Variants in ERC1 observed in about 807,000 individuals in gnomAD.
ERC1 encodes RAB6 interacting protein 2.
ERC1 carries 56 observed loss-of-function variants against 132.0 expected under a neutral mutation model. The observed-to-expected ratio is 0.42, with a 90% CI of 0.34 to 0.53. The LOEUF (loss-of-function observed/expected upper bound fraction) is 0.53. Ranked by LOEUF, ERC1 falls within the 20% of genes least tolerant of loss-of-function variation. ERC1 has a pLI of 0.03. For synonymous variants in ERC1, 478 were observed against 476.1 expected (o/e 1.00, Z -0.05); for missense variants, 1,202 against 1,349.9 (o/e 0.89, Z 1.72).
chr12:1,039,642 G>T (rs976779541), intron 2 of ERC1, among the ~76,000 whole-genome samples: 2 of 152,148 alleles, frequency 1.3e-5, no homozygotes, highest in African/African-American at 2.4e-5. Context: ...CAACGGAAAT[G>T]GATTAGAAAG....
chr12:1,235,271 A>T (rs1222151092), intron 12 of ERC1, among the ~76,000 whole-genome samples: 2 of 152,166 alleles, frequency 1.3e-5, no homozygotes, highest in Non-Finnish European at 2.9e-5. Context: ...AGGTGGGAGA[A>T]TCACCTGAGC....
At chr12:1,002,421 A>G (rs1962571370) in intron 1 of ERC1, among the ~76,000 whole-genome samples, 1 of 150,568 alleles carries the variant, frequency 6.6e-6, no homozygotes, top group Non-Finnish European at 1.5e-5. Context: ...TCCTGAGCTC[A>G]AGTAATCTGC....
intron 15 of ERC1, among the ~76,000 whole-genome samples, chr12:1,360,547 A>G (rs1286057896): frequency 6.6e-6 from 1 of 152,236 alleles, no homozygotes; most frequent in Non-Finnish European, 1.5e-5. Flanking sequence ...TTCATTGTGC[A>G]CAAGACTTGG....
chr12:1,357,024 T>C, intron 15 of ERC1, among the ~76,000 whole-genome samples: 1 of 152,216 alleles, frequency 6.6e-6, no homozygotes. Context: ...TCTTCAGTAC[T>C]CTCTCAGCAT....
intron 18 of ERC1, among the ~76,000 whole-genome samples, chr12:1,448,696 C>T (rs2093361253): frequency 6.6e-6 from 1 of 152,256 alleles, no homozygotes; most frequent in African/African-American, 2.4e-5. Flanking sequence ...ACCAACACCA[C>T]CGCCATGAGG....
At chr12:1,254,791 G>C (rs75729071) in intron 13 of ERC1, among the ~76,000 whole-genome samples, 3,450 of 152,268 alleles carry the variant, frequency 0.023, 134 homozygotes, top group African/African-American at 0.079. Flanking sequence ...GGGATTACAA[G>C]CTTAATTTTT....
At chr12:1,196,981 T>A (rs1442900143) in intron 12 of ERC1, among the ~76,000 whole-genome samples, 73 of 63,348 alleles carry the variant, frequency 1.2e-3, no homozygotes, top group Middle Eastern at 9.4e-3. Flanking sequence ...TATATATTTT[T>A]TTTTTTTTTT....
chr12:1,203,608 G>A (rs947016700), intron 12 of ERC1, among the ~76,000 whole-genome samples: 1 of 152,312 alleles, frequency 6.6e-6, no homozygotes, highest in African/African-American at 2.4e-5. Context: ...TAGATATTTT[G>A]TTTCAGATTC....
In ERC1 at chr12:1,153,801, G is replaced by A. The variant is rs73041044; in HGVS notation, c.1737+12014G>A. 4.2e-3 allele frequency among the ~76,000 whole-genome samples: 640 copies of A among 152,254 alleles called. 4 individuals carry two copies. Among genetic ancestry groups the A allele is most frequent in the Non-Finnish European group, 6.9e-3 (471 of 68,012 alleles). On this transcript the variant is annotated intron_variant, in intron 8 of 18. Coordinates refer to ENST00000360905, the MANE Select transcript of ERC1 (RefSeq NM_178040.4). ...CCTTTCTTCACATGGTCGGATTTTG[G>A]CCTACATAATCACAGGCCCCAGCCC...
chr12:1,054,119 A>T (rs900527001), intron 2 of ERC1, among the ~76,000 whole-genome samples: 7 of 152,206 alleles, frequency 4.6e-5, no homozygotes, highest in Non-Finnish European at 8.8e-5. Context: ...ATATTTGTGG[A>T]TAAGAATTCC....
At chr12:1,059,180 A>G (rs1192230664) in intron 2 of ERC1, among the ~76,000 whole-genome samples, 1 of 152,012 alleles carries the variant, frequency 6.6e-6, no homozygotes, top group Non-Finnish European at 1.5e-5. Context: ...TTATATGTTG[A>G]TTTTTTATCC....
chr12:1,265,397 G>A (rs893575874), intron 14 of ERC1, among the ~76,000 whole-genome samples: 1 of 152,106 alleles, frequency 6.6e-6, no homozygotes, highest in African/African-American at 2.4e-5. Flanking sequence ...ATATGCTTTA[G>A]GGGTATGTTT....
intron 12 of ERC1, among the ~76,000 whole-genome samples, chr12:1,216,607 A>AGGAGGGATGGGGGGCGGGAG (rs1485383560): frequency 7.3e-5 from 2 of 27,400 alleles, no homozygotes; most frequent in African/African-American, 2.2e-4. Context: ...GGGGTCGGGG[A>AGGAGGGATGGGGGGCGGGAG]GGAGGGATGG....
At chr12:1,368,939 T>C (rs957728629) in intron 15 of ERC1, among the ~76,000 whole-genome samples, 2 of 152,130 alleles carry the variant, frequency 1.3e-5, no homozygotes, top group African/African-American at 4.8e-5. Flanking sequence ...GAGTATACGT[T>C]GTAAATGGAA....
chr12:1,248,887 TA>T (rs869074454), intron 13 of ERC1, among the ~76,000 whole-genome samples: 2 of 151,890 alleles, frequency 1.3e-5, no homozygotes. Flanking sequence ...TATTTATATT[TA>T]AAAAAAAATT....
intron 8 of ERC1, among the ~76,000 whole-genome samples, chr12:1,154,504 C>T (rs73593923): frequency 0.056 from 8,413 of 151,474 alleles, 484 homozygotes; most frequent in African/African-American, 0.15. Context: ...TTGGCTCAGG[C>T]GAAGGATTTA....
chr12:1,398,213 G>A (rs2154385861), intron 16 of ERC1, among the ~76,000 whole-genome samples: 1 of 152,024 alleles, frequency 6.6e-6, no homozygotes, highest in South Asian at 2.1e-4. Context: ...CAAACTCCTG[G>A]GCTCAAGTGA....
At chr12:1,055,486 G>A (rs1053373656) in intron 2 of ERC1, among the ~76,000 whole-genome samples, 1 of 151,980 alleles carries the variant, frequency 6.6e-6, no homozygotes, top group Admixed American at 6.6e-5. Context: ...GGCCTGTTAA[G>A]GATTTCTTTA....
At chr12:1,158,030 T>C (rs1951560855) in intron 8 of ERC1, among the ~76,000 whole-genome samples, 1 of 152,202 alleles carries the variant, frequency 6.6e-6, no homozygotes, top group African/African-American at 2.4e-5. Context: ...GTGTAATCCG[T>C]CACTTTATCT....
Sources: allele counts gnomAD v4.1 joint callset (sites outside exome capture counted in the v4.1 genomes callset), GRCh38; gene constraint gnomAD v4.1.1; transcripts MANE v1.5; gene names NCBI Gene and HGNC (gene_info 2026-07-23, HGNC 2026-07-21).